GPD2: variants seen among roughly 807,000 people sequenced by gnomAD.
GPD2 encodes the protein glycerol-3-phosphate dehydrogenase, mitochondrial.
In GPD2, 54 loss-of-function variants were observed where a neutral mutation model predicts 82.4. That is an observed-to-expected ratio of 0.66 (90% CI 0.53 to 0.82). The LOEUF is 0.82. GPD2 is among the 40% of genes least tolerant of loss of function. The probability of loss-of-function intolerance (pLI) is 0.00; values close to 1 mark genes in which losing one functional copy is unlikely to be tolerated. For missense variants in GPD2, 748 were observed against 896.2 expected, an observed-to-expected ratio of 0.83 and a Z score of 2.11; for synonymous variants, 288 against 306.1, an observed-to-expected ratio of 0.94 and a Z score of 0.62.
upstream of GPD2, among the ~76,000 whole-genome samples, chr2:156,432,059 G>T (rs1163392828): frequency 1.3e-5 from 2 of 151,758 alleles, no homozygotes; most frequent in East Asian, 3.9e-4. Context: ...GCTAATTTTT[G>T]TATTTTTTAC....
At chr2:156,484,172 T>A (rs1683844060) in intron 2 of GPD2, among the ~76,000 whole-genome samples, 1 of 152,114 alleles carries the variant, frequency 6.6e-6, no homozygotes, top group African/African-American at 2.4e-5. Context: ...TCTCACTGTG[T>A]CACCCAGGCT....
chr2:156,541,194 A>T (rs944815894), intron 6 of GPD2, among the ~76,000 whole-genome samples: 11 of 152,244 alleles, frequency 7.2e-5, no homozygotes, highest in Non-Finnish European at 1.6e-4. Context: ...TTCATAGTTC[A>T]TAGATGTGGG....
upstream of GPD2, among the ~76,000 whole-genome samples, chr2:156,434,929 T>C (rs1396488990): frequency 6.6e-6 from 1 of 152,158 alleles, no homozygotes; most frequent in Non-Finnish European, 1.5e-5. Context: ...AGTTTTAAAA[T>C]ACAAGGACTT....
intron 6 of GPD2, among the ~76,000 whole-genome samples, chr2:156,520,156 C>T (rs1035351912): frequency 1.3e-5 from 2 of 152,208 alleles, no homozygotes; most frequent in African/African-American, 4.8e-5. Context: ...TGCCACTCCA[C>T]TCCTCTGCCG....
intron 1 of GPD2, among the ~76,000 whole-genome samples, chr2:156,445,093 C>T (rs899016701): frequency 5.9e-5 from 9 of 152,180 alleles, no homozygotes; most frequent in African/African-American, 2.2e-4. Context: ...GCAATTTAAC[C>T]TAACGTGGTC....
the GPD2 span, among the ~76,000 whole-genome samples, chr2:156,403,383 AG>A: frequency 3.3e-5 from 5 of 152,248 alleles, no homozygotes; most frequent in South Asian, 8.3e-4. Context: ...ATGATACGGA[AG>A]ATCTCTCTTA....
chr2:156,529,925 CT>C (rs1685780847), intron 6 of GPD2, among the ~76,000 whole-genome samples: 1 of 152,090 alleles, frequency 6.6e-6, no homozygotes. Context: ...GATGTGGGCT[CT>C]TTTTTGGTTC....
chr2:156,559,050 T>C (rs1166059991), intron 9 of GPD2, among the ~76,000 whole-genome samples: 2 of 152,162 alleles, frequency 1.3e-5, no homozygotes, highest in African/African-American at 4.8e-5. Context: ...TTATGTTGAA[T>C]CTTCGTGTCT....
rs60361072 is a variant in GPD2, at chr2:156,509,765, C to CTTTTTTTTTTTTTTTTTTTTTT, written c.275-1012_275-1011insTTTTTTTTTTTTTTTTTTTTTT. On this transcript the variant is annotated intron_variant, in intron 3 of 16. Transcript: ENST00000438166. The stretch of plus-strand genomic sequence containing the variant: ...CTTTCCTTATCAAGAATATGTTCTT[C>CTTTTTTTTTTTTTTTTTTTTTT]TTTTTTTTTTTTTTTTTTTATTTCC... Among the ~76,000 whole-genome samples the CTTTTTTTTTTTTTTTTTTTTTT allele has an allele frequency of 6.8e-5, 8 of 117,382 alleles. 1 individual carries two copies. Among genetic ancestry groups the CTTTTTTTTTTTTTTTTTTTTTT allele is most frequent in the Non-Finnish European group, 8.4e-5 (5 of 59,690 alleles). The allele number at this position is 117,382 out of a possible 152,430, so 77.0% of individuals were successfully genotyped here. A position where few individuals can be genotyped will look rare whatever the true frequency, so the allele number is the denominator to read the frequency against.
intron 1 of GPD2, among the ~76,000 whole-genome samples, chr2:156,442,567 T>C (rs958734464): frequency 6.6e-6 from 1 of 152,162 alleles, no homozygotes; most frequent in Non-Finnish European, 1.5e-5. Context: ...CCCAGCACTT[T>C]GGGAGGCCAA....
intron 9 of GPD2, among the ~76,000 whole-genome samples, chr2:156,568,313 G>T (rs1687465143): frequency 6.6e-6 from 1 of 152,096 alleles, no homozygotes; most frequent in Admixed American, 6.6e-5. Flanking sequence ...ACAGTGGTAG[G>T]CCTGCTGTAA....
At chr2:156,430,931 A>G (rs549205956), upstream of GPD2, among the ~76,000 whole-genome samples, 1 of 152,362 alleles carries the variant, frequency 6.6e-6, no homozygotes, top group South Asian at 2.1e-4. Flanking sequence ...AAGTTTGGGA[A>G]GGAAAAAACT....
At chr2:156,411,571 C>T in the GPD2 span, among the ~76,000 whole-genome samples, 1 of 152,118 alleles carries the variant, frequency 6.6e-6, no homozygotes, top group African/African-American at 2.4e-5. Flanking sequence ...CCGCCTCAGC[C>T]TCCCAAAGTG....
At chr2:156,482,293 C>T (rs1683760926) in intron 2 of GPD2, among the ~76,000 whole-genome samples, 2 of 152,322 alleles carry the variant, frequency 1.3e-5, no homozygotes, top group South Asian at 4.1e-4. Context: ...GCTTCCGGAT[C>T]TGAGGATGAG....
At chr2:156,410,238 C>T in the GPD2 span, among the ~76,000 whole-genome samples, 1 of 152,168 alleles carries the variant, frequency 6.6e-6, no homozygotes, top group Non-Finnish European at 1.5e-5. Flanking sequence ...TTATAAACTA[C>T]AGAAGGATCT....
chr2:156,479,420 T>C (rs1683639978), intron 2 of GPD2, among the ~76,000 whole-genome samples: 1 of 152,178 alleles, frequency 6.6e-6, no homozygotes, highest in Non-Finnish European at 1.5e-5. Flanking sequence ...TAGTATGGCT[T>C]TTCTTCATAC....
intron 6 of GPD2, among the ~76,000 whole-genome samples, chr2:156,517,164 G>A (rs1685229199): frequency 1.3e-5 from 2 of 151,942 alleles, no homozygotes; most frequent in Non-Finnish European, 2.9e-5. Context: ...TTTTTGTAGA[G>A]ACAGGCTGGT....
At chr2:156,424,010 A>G in the GPD2 span, among the ~76,000 whole-genome samples, 1 of 152,222 alleles carries the variant, frequency 6.6e-6, no homozygotes, top group Non-Finnish European at 1.5e-5. Flanking sequence ...GCCAGTAAAT[A>G]GCCCTTAATA....
chr2:156,460,885 T>A (rs983258315), intron 1 of GPD2, among the ~76,000 whole-genome samples: 2 of 152,176 alleles, frequency 1.3e-5, no homozygotes, highest in Admixed American at 1.3e-4. Flanking sequence ...AGATTGCAGT[T>A]GGTATTTTTG....
Sources: allele counts gnomAD v4.1 joint callset (sites outside exome capture counted in the v4.1 genomes callset), GRCh38; gene constraint gnomAD v4.1.1; transcripts MANE v1.5; gene names NCBI Gene and HGNC (gene_info 2026-07-23, HGNC 2026-07-21).